The following KATNA1 variants were observed in gnomAD, a reference collection of about 807,000 sequenced individuals.
The protein encoded by KATNA1 is katanin p60 ATPase-containing subunit A1.
In KATNA1, 42 loss-of-function variants were observed where a neutral mutation model predicts 62.6. That is an observed-to-expected ratio of 0.67 (90% confidence interval 0.52 to 0.87). The LOEUF (loss-of-function observed/expected upper bound fraction) is 0.87. Ranked by LOEUF, KATNA1 falls within the 40% of genes least tolerant of loss-of-function variation. KATNA1 has a pLI of 0.00. For missense variants in KATNA1, 498 were observed against 612.5 expected, an observed-to-expected ratio of 0.81 and a Z score of 1.97; for synonymous variants, 186 against 201.9, an observed-to-expected ratio of 0.92 and a Z score of 0.67.
At chr6:149,608,162 C>G (rs989479085) in intron 4 of KATNA1, among the ~76,000 whole-genome samples, 1 of 152,176 alleles carries the variant, frequency 6.6e-6, no homozygotes, top group Non-Finnish European at 1.5e-5. Flanking sequence ...AAAATGACAG[C>G]TGGGTTCTCA....
chr6:149,646,919 A>AAATTCAACAATGTTGTTAATAGAGTG, intron 1 of KATNA1, among the ~76,000 whole-genome samples: 1 of 152,242 alleles, frequency 6.6e-6, no homozygotes, highest in Non-Finnish European at 1.5e-5. Flanking sequence ...TTGTTAATAG[A>AAATTCAACAATGTTGTTAATAGAGTG]AATTCAACAA....
At chr6:149,600,075 G>A (rs1228629568) in intron 7 of KATNA1, among the ~76,000 whole-genome samples, 1 of 151,864 alleles carries the variant, frequency 6.6e-6, no homozygotes, top group East Asian at 1.9e-4. Flanking sequence ...TGAGTGCAGT[G>A]GTACACGACT....
At chr6:149,632,603 C>T (rs569603753) in intron 3 of KATNA1, among the ~76,000 whole-genome samples, 156 bp downstream of exon 3, 1 of 152,096 alleles carries the variant, frequency 6.6e-6, no homozygotes, top group Admixed American at 6.6e-5. Context: ...GTCAAAAAGG[C>T]ACAAGGTTCA....
At chr6:149,635,666 G>A (rs1440627404) in intron 2 of KATNA1, among the ~76,000 whole-genome samples, 3 of 151,972 alleles carry the variant, frequency 2.0e-5, no homozygotes, top group South Asian at 4.2e-4. Flanking sequence ...CCGAGACTGC[G>A]CCACTGCACT....
intron 3 of KATNA1, among the ~76,000 whole-genome samples, chr6:149,625,157 A>G (rs1317176828): frequency 2.0e-5 from 3 of 152,218 alleles, no homozygotes; most frequent in Non-Finnish European, 2.9e-5. Flanking sequence ...CTTTTAGCTA[A>G]CTGCCAACAA....
intron 4 of KATNA1, among the ~76,000 whole-genome samples, chr6:149,615,194 T>C (rs1487618719): frequency 6.7e-6 from 1 of 150,072 alleles, no homozygotes; most frequent in Non-Finnish European, 1.5e-5. Flanking sequence ...TAGAAAATTA[T>C]TTTTTTGTTT....
chr6:149,630,112 G>A (rs1008344903), intron 3 of KATNA1, among the ~76,000 whole-genome samples: 1 of 152,134 alleles, frequency 6.6e-6, no homozygotes, highest in Non-Finnish European at 1.5e-5. Flanking sequence ...AGAACAGAAG[G>A]AAACAAGCTA....
chr6:149,638,584 A>C lies in KATNA1; in HGVS notation c.-13-24T>G, dbSNP rs766118828. On this transcript the variant is annotated intron_variant, in intron 1 of 10. Transcript: ENST00000367411. ...AGCTAAAAAGAAGAAGAAAAAAAGA[A>C]ACACTTTAGGTTTACATGTCTCTTA... 7.2e-6 allele frequency: 11 copies of C among 1,526,818 alleles called. No individual in the cohort carries two copies. In the Middle Eastern group the frequency reaches 5.7e-4, roughly 79 times the overall value. The allele number at this position is 1,526,818 out of a possible 1,614,324, so 94.6% of individuals were successfully genotyped here.
At chr6:149,604,518 G>C (rs2115087413) in intron 5 of KATNA1, 143 bp downstream of exon 5, 1 of 852,806 alleles carries the variant, frequency 1.2e-6, no homozygotes, top group African/African-American at 1.7e-5. Context: ...GGAATAGGCT[G>C]AATGCAGGGA....
At chr6:149,615,132 CAAAAAAAA>C (rs893824279) in intron 4 of KATNA1, among the ~76,000 whole-genome samples, 1 of 45,644 alleles carries the variant, frequency 2.2e-5, no homozygotes, top group Non-Finnish European at 4.2e-5. Context: ...GACTCTGTCT[CAAAAAAAA>C]AAAAAAAAAA....
chr6:149,601,068 G>C (rs1190946337), intron 7 of KATNA1, among the ~76,000 whole-genome samples: 2 of 152,172 alleles, frequency 1.3e-5, no homozygotes, highest in East Asian at 1.9e-4. Context: ...AGTTTAAAAG[G>C]CTGTGGAATT....
At chr6:149,607,009 A>G (rs988378001) in intron 4 of KATNA1, among the ~76,000 whole-genome samples, 1 of 152,252 alleles carries the variant, frequency 6.6e-6, no homozygotes, top group Non-Finnish European at 1.5e-5. Context: ...TTTAACAAGT[A>G]TCTGTTCTGT....
chr6:149,610,841 G>A (rs934695876), intron 4 of KATNA1, among the ~76,000 whole-genome samples: 11 of 152,236 alleles, frequency 7.2e-5, no homozygotes, highest in Admixed American at 6.5e-4. Flanking sequence ...GGCGATAAGA[G>A]TGAGACTCCG....
chr6:149,638,727 A>ATTT, intron 1 of KATNA1, 167 bp from the exon 2 acceptor site: 15 of 241,144 alleles, frequency 6.2e-5, no homozygotes, highest in Non-Finnish European at 7.5e-5. Context: ...TAAAAAAAAC[A>ATTT]TTGTTTTTTT....
At chr6:149,617,969 A>AATAAATAAATAAATAT (rs1562289815) in intron 4 of KATNA1, among the ~76,000 whole-genome samples, 2 of 123,012 alleles carry the variant, frequency 1.6e-5, no homozygotes, top group African/African-American at 6.4e-5. Context: ...TAAATAAATA[A>AATAAATAAATAAATAT]TAAAATAAAT....
At chr6:149,644,407 G>T (rs1780404337) in intron 1 of KATNA1, among the ~76,000 whole-genome samples, 3 of 151,896 alleles carry the variant, frequency 2.0e-5, no homozygotes. Context: ...GATTGCTTGA[G>T]CCCAGGAGTT....
chr6:149,626,008 AC>A (rs1463265487), intron 3 of KATNA1, among the ~76,000 whole-genome samples: 1 of 151,840 alleles, frequency 6.6e-6, no homozygotes, highest in East Asian at 1.9e-4. Flanking sequence ...CACCAAACTA[AC>A]GTGTATGTGA....
Position 149,604,801 on chromosome 6 carries a change from A to G in KATNA1, c.502-19T>C. 2 of 1,604,460 alleles carry G rather than the reference A, an allele frequency of 1.2e-6. No homozygotes were observed. Among genetic ancestry groups the G allele is most frequent in the Non-Finnish European group, 1.7e-6 (2 of 1,177,494 alleles). The stretch of plus-strand genomic sequence containing the variant: ...ATTTGTTCTACATGAAGAGAAAAAA[A>G]CAAGCGCTTTTGATTCATTTATTTT... On this transcript the variant is annotated intron_variant, in intron 4 of 10. Coordinates refer to ENST00000367411, the MANE Select transcript of KATNA1 (RefSeq NM_007044.4).
intron 1 of KATNA1, among the ~76,000 whole-genome samples, chr6:149,643,838 T>C (rs771360594): frequency 6.6e-6 from 1 of 151,422 alleles, no homozygotes; most frequent in Non-Finnish European, 1.5e-5. Context: ...CCAGCTAATA[T>C]ATATATATAT....
Sources: allele counts gnomAD v4.1 joint callset (sites outside exome capture counted in the v4.1 genomes callset), GRCh38; gene constraint gnomAD v4.1.1; transcripts MANE v1.5; gene names NCBI Gene and HGNC (gene_info 2026-07-23, HGNC 2026-07-21).